Variants in RGL3 observed in about 807,000 individuals in gnomAD.
RGL3 encodes the protein ral guanine nucleotide dissociation stimulator-like 3.
RGL3 carries 85 observed loss-of-function variants against 90.6 expected under a neutral mutation model. The observed-to-expected ratio is 0.94, with a 90% CI of 0.79 to 1.12. The LOEUF is 1.12. RGL3 is among the 50% of genes most tolerant of loss of function. RGL3 has a pLI of 0.00. For synonymous variants in RGL3, 408 were observed against 385.5 expected (o/e 1.06, Z -0.68); for missense variants, 1,034 against 939.2 (o/e 1.10, Z -1.32).
Position 11,410,906 on chromosome 19 carries a change from G to C in RGL3, c.638-4042C>G, listed in dbSNP as rs568321207. ...AAGGGGGATCTGTTACAGAATAAAA[G>C]AGACTTAGGAACAAACGACCGGTAG... On this transcript the variant is annotated intron_variant, in intron 5 of 18. Coordinates refer to ENST00000380456, the MANE Select transcript of RGL3 (RefSeq NM_001035223.4). Among the ~76,000 whole-genome samples the C allele has an allele frequency of 1.6e-4, 25 of 152,008 alleles. No individual in the cohort carries two copies. The South Asian group carries it at 4.2e-3, about 25-fold the overall frequency.
chr19:11,396,355 A>G (rs1468862646), intron 18 of RGL3, among the ~76,000 whole-genome samples: 3 of 150,112 alleles, frequency 2.0e-5, no homozygotes, highest in Non-Finnish European at 3.0e-5. Flanking sequence ...TTTTTAGTAG[A>G]GACGGGGCTT....
At chr19:11,402,813 A>G in intron 9 of RGL3, 107 bp from the exon 10 acceptor site, 1 of 1,008,434 alleles carries the variant, frequency 9.9e-7, no homozygotes, top group Non-Finnish European at 1.5e-6. Context: ...TGAGTAATCA[A>G]AAGTCAGTGG....
At position 11,399,861 on chromosome 19, in the gene RGL3, G is replaced by T; in HGVS notation, c.1740C>A (p.Ser580Arg). 1 of 1,495,666 alleles carries T rather than the reference G, an allele frequency of 6.7e-7. No individual in the cohort carries two copies. The highest frequency in any genetic ancestry group is 8.9e-7 in the Non-Finnish European group (1 of 1,124,118). 92.6% of individuals were successfully genotyped at this position (1,495,666 alleles called of 1,614,324 possible). ...PPASPGPQGP[S>R]TKLPLSLDLP... ...ACACAAGCCGTCTTGGTACCTTGGT[G>T]CTGGGGCCCTGGGGCCCTGGAGAGG... The change falls in exon 16 of 19, where the codon AGC becomes AGA. Residue 580 changes from serine to arginine, a missense_variant. By Grantham distance (110) the Ser-to-Arg change is moderately radical. Transcript: ENST00000380456.
At chr19:11,394,625 T>C (rs1968533756) in intron 18 of RGL3, 105 bp from the exon 19 acceptor site, 8 of 792,832 alleles carry the variant, frequency 1.0e-5, no homozygotes, top group Non-Finnish European at 1.8e-5. Context: ...TGAACAGCCA[T>C]GGGTCCCTCT....
chr19:11,398,821 C>T (rs959461644), intron 16 of RGL3, among the ~76,000 whole-genome samples: 3 of 152,094 alleles, frequency 2.0e-5, no homozygotes, highest in Admixed American at 6.6e-5. Context: ...CAGGTGTGCG[C>T]GACCATACCC....
At chr19:11,402,573 C>T in intron 10 of RGL3, 32 bp from the exon 11 acceptor site, 1 of 1,604,328 alleles carries the variant, frequency 6.2e-7, no homozygotes, top group African/African-American at 1.3e-5. Context: ...TCACTTGGGG[C>T]CATTACTGAC....
At position 11,400,091 on chromosome 19, in the gene RGL3, T is replaced by C. The variant is rs1203978419; in HGVS notation, c.1598A>G (p.Lys533Arg). ...KRLSAKLARE[K>R]SSSPSGSPGD... ...GGGACTCCCACTAGGTGATGAGCTT[T>C]TCTCTCGGGCAAGCTTCCTAAGGAT... Residue 533 changes from lysine (K) to arginine (R), a missense_variant, in exon 15 of 19, where the codon AAA becomes AGA. By Grantham distance (26) the Lys-to-Arg change is conservative. Coordinates refer to ENST00000380456, the MANE Select transcript of RGL3 (RefSeq NM_001035223.4). 1.2e-6 allele frequency: 2 copies of C among 1,608,718 alleles called. No homozygotes were observed. Among genetic ancestry groups the C allele is most frequent in the Non-Finnish European group, 8.5e-7 (1 of 1,177,910 alleles).
intron 5 of RGL3, among the ~76,000 whole-genome samples, chr19:11,412,635 G>C (rs1021535230): frequency 1.3e-5 from 2 of 151,596 alleles, no homozygotes; most frequent in Non-Finnish European, 2.9e-5. Flanking sequence ...AGGAGTTCGA[G>C]TCCAGCCTGG....
chr19:11,416,219 T>C (rs1599445502), intron 4 of RGL3, 71 bp from the exon 5 acceptor site: 1 of 234,008 alleles, frequency 4.3e-6, no homozygotes, highest in Non-Finnish European at 5.0e-6. Context: ...CTGGTACCTT[T>C]TTTTTTTTTT....
At chr19:11,417,557 G>A (rs952578169) in intron 2 of RGL3, among the ~76,000 whole-genome samples, 1 of 144,618 alleles carries the variant, frequency 6.9e-6, no homozygotes, top group African/African-American at 2.6e-5. Flanking sequence ...TGCAACCTCC[G>A]CCTCCTGGGT....
rs540540990 is a variant in RGL3 at position 11,394,715 on chromosome 19, A to G, written c.2015-195T>C. ...CTCACTTGAAAACTTGCACCACCTCATGCCTTCCCTTATCATAAGCCTGGG... is the reference window on the plus strand; with the variant it reads ...CTCACTTGAAAACTTGCACCACCTCGTGCCTTCCCTTATCATAAGCCTGGG... On this transcript the variant is annotated intron_variant, in intron 18 of 18. Coordinates refer to ENST00000380456, the MANE Select transcript of RGL3 (RefSeq NM_001035223.4). 7.6e-5 allele frequency: 42 copies of G among 553,028 alleles called. No homozygotes were observed. In the Admixed American group the frequency reaches 8.3e-4, roughly 11 times the overall value. The allele number at this position is 553,028 out of a possible 1,614,324, so 34.3% of individuals were successfully genotyped here. A position where few individuals can be genotyped will look rare whatever the true frequency, so the allele number is the denominator to read the frequency against.
chr19:11,415,633 G>A (rs1038346183), intron 5 of RGL3, among the ~76,000 whole-genome samples: 3 of 151,850 alleles, frequency 2.0e-5, no homozygotes, highest in Non-Finnish European at 2.9e-5. Context: ...GCCCCACCAC[G>A]CCCGGCTAAT....
intron 13 of RGL3, among the ~76,000 whole-genome samples, chr19:11,401,605 T>C (rs1000913166): frequency 2.6e-5 from 4 of 151,980 alleles, no homozygotes; most frequent in African/African-American, 9.7e-5. Context: ...TTCACTCTGT[T>C]AGCCAGGCTG....
rs926310223 is a variant in RGL3, at chr19:11,418,705, C to A, written c.113G>T (p.Arg38Leu). Reference sequence around the variant, plus strand: ...CCCGGGGCCCTCCGCCGGGCTCCTGCGCTGACTGCGCTGCCGCCGCAGGGA... The same window carrying A: ...CCCGGGGCCCTCCGCCGGGCTCCTGAGCTGACTGCGCTGCCGCCGCAGGGA... ...SVSLRRQRSQRRSPAEGPGGS... is the reference protein window; with the variant it reads ...SVSLRRQRSQLRSPAEGPGGS... Residue 38 changes from arginine to leucine, a missense_variant, in exon 2 of 19, where the codon CGC becomes CTC. Physicochemically the swap from Arg to Leu is moderately radical, Grantham distance 102. Coordinates refer to ENST00000380456, the MANE Select transcript of RGL3 (RefSeq NM_001035223.4). 1.3e-6 allele frequency: 2 copies of A among 1,571,712 alleles called. No individual in the cohort carries two copies. Among genetic ancestry groups the A allele is most frequent in the African/African-American group, 1.3e-5 (1 of 74,460 alleles).
At chr19:11,398,024 A>G (rs1968609121) in intron 16 of RGL3, among the ~76,000 whole-genome samples, 1 of 151,924 alleles carries the variant, frequency 6.6e-6, no homozygotes, top group Non-Finnish European at 1.5e-5. Context: ...TAAATAAATA[A>G]ATAATAAAAT....
At chr19:11,396,136 C>CTCTCTATATATATA (rs1367805487) in intron 18 of RGL3, among the ~76,000 whole-genome samples, 1 of 17,902 alleles carries the variant, frequency 5.6e-5, no homozygotes, top group African/African-American at 1.9e-4. Flanking sequence ...CTCTCTCTCT[C>CTCTCTATATATATA]TATATATATA....
chr19:11,410,785 T>G (rs1284443835), intron 5 of RGL3, among the ~76,000 whole-genome samples: 1 of 152,118 alleles, frequency 6.6e-6, no homozygotes, highest in African/African-American at 2.4e-5. Flanking sequence ...AGAAACATGC[T>G]GCATGAAACC....
chr19:11,414,151 A>ATATATATATATATATATATATACACC (rs1568341439), intron 5 of RGL3, among the ~76,000 whole-genome samples: 20 of 84,342 alleles, frequency 2.4e-4, no homozygotes, highest in Non-Finnish European at 4.5e-4. Flanking sequence ...ATATATATAT[A>ATATATATATATATATATATATACACC]TATATATATA....
In RGL3 at chr19:11,406,734, G is replaced by A. The variant is rs1463935710; in HGVS notation, c.768C>T (p.Thr256=). ...CCGGGATCCTCACCAAGTCTATGAG[G>A]GTCAGCTGCTCGGCCACCTCGTCCA... ...FSVDEVAEQL[T]LIDLELFSKV... The change falls in exon 6 of 19, where the codon ACC becomes ACT. Residue 256 remains threonine, a synonymous_variant. Coordinates refer to ENST00000380456, the MANE Select transcript of RGL3 (RefSeq NM_001035223.4). The A allele has an allele frequency of 6.2e-7, 1 of 1,613,842 alleles. No individual in the cohort carries two copies. Among genetic ancestry groups the A allele is most frequent in the African/African-American group, 1.3e-5 (1 of 74,938 alleles).
Sources: allele counts gnomAD v4.1 joint callset (sites outside exome capture counted in the v4.1 genomes callset), GRCh38; gene constraint gnomAD v4.1.1; transcripts MANE v1.5; gene names NCBI Gene and HGNC (gene_info 2026-07-23, HGNC 2026-07-21).